The following AGO3 variants were observed in gnomAD, a reference collection of about 807,000 sequenced individuals.
The protein encoded by AGO3 is argonaute RISC catalytic component 3.
In AGO3, 16 loss-of-function variants were observed where a neutral mutation model predicts 105.5. That is an observed-to-expected ratio of 0.15 (90% CI 0.10 to 0.23). The LOEUF (loss-of-function observed/expected upper bound fraction) is 0.23, where lower values mean the gene tolerates loss of function less well. Ranked by LOEUF, AGO3 falls within the 10% of genes least tolerant of loss-of-function variation. The pLI is 1.00. For missense variants in AGO3, 534 were observed against 1,088.0 expected, an observed-to-expected ratio of 0.49 and a Z score of 7.16; for synonymous variants, 340 against 367.3, an observed-to-expected ratio of 0.93 and a Z score of 0.85.
chr1:35,946,685 G>A (rs929268078), intron 2 of AGO3, among the ~76,000 whole-genome samples: 26 of 152,164 alleles, frequency 1.7e-4, no homozygotes, highest in African/African-American at 5.8e-4. Context: ...TAAGAAGTAT[G>A]AAGGTCTTTT....
chr1:35,956,379 C>A (rs560549182), intron 2 of AGO3, among the ~76,000 whole-genome samples: 2 of 151,930 alleles, frequency 1.3e-5, no homozygotes, highest in Non-Finnish European at 2.9e-5. Context: ...GGCAGAAGTT[C>A]AATAGGTTAT....
At chr1:36,022,103 T>C (rs972213680) in intron 11 of AGO3, among the ~76,000 whole-genome samples, 2 of 151,116 alleles carry the variant, frequency 1.3e-5, no homozygotes, top group Middle Eastern at 6.8e-3. Flanking sequence ...CCTCACTCTT[T>C]TGCCCAGGCT....
intron 2 of AGO3, among the ~76,000 whole-genome samples, chr1:35,950,271 C>T (rs1412172916): frequency 2.6e-5 from 4 of 152,052 alleles, no homozygotes; most frequent in Admixed American, 6.6e-5. Flanking sequence ...TAGTGATTCT[C>T]CTCTAAGTGA....
At chr1:35,948,216 ATTTTTT>A (rs926949293) in intron 2 of AGO3, among the ~76,000 whole-genome samples, 2 of 135,328 alleles carry the variant, frequency 1.5e-5, no homozygotes, top group Non-Finnish European at 3.2e-5. Context: ...AAGGAACAGA[ATTTTTT>A]TTTTTTTTTT....
At position 36,036,332 on chromosome 1, in the gene AGO3, C is replaced by T. The variant is rs1412573042; in HGVS notation, c.1842+65C>T. ...ACCAGTATCAATTTTGCAGTTTCAA[C>T]TTTTTGAATTTTAATATTTTCTTTG... On this transcript the variant is annotated intron_variant, in intron 14 of 18. Transcript: ENST00000373191. The T allele has an allele frequency of 4.9e-6, 7 of 1,425,368 alleles. No individual in the cohort carries two copies. The East Asian group carries it at 1.2e-4, about 24-fold the overall frequency. The allele number at this position is 1,425,368 out of a possible 1,614,324, so 88.3% of individuals were successfully genotyped here.
chr1:35,984,318 G>A (rs1287696801), intron 5 of AGO3, among the ~76,000 whole-genome samples: 2 of 152,206 alleles, frequency 1.3e-5, no homozygotes, highest in Non-Finnish European at 2.9e-5. Context: ...CTGGGCAACA[G>A]AGTGAGACCC....
intron 11 of AGO3, among the ~76,000 whole-genome samples, chr1:36,015,324 C>T (rs897898260): frequency 2.0e-5 from 3 of 152,178 alleles, no homozygotes; most frequent in Non-Finnish European, 4.4e-5. Flanking sequence ...TCCCTGGGTA[C>T]ACCACCCTCC....
intron 13 of AGO3, among the ~76,000 whole-genome samples, chr1:36,035,694 T>C (rs2148844615): frequency 6.6e-6 from 1 of 152,332 alleles, no homozygotes; most frequent in African/African-American, 2.4e-5. Flanking sequence ...ACAGCCCTTT[T>C]CAACCACCAG....
intron 11 of AGO3, among the ~76,000 whole-genome samples, chr1:36,018,185 G>C (rs1641007824): frequency 6.6e-6 from 1 of 151,936 alleles, no homozygotes; most frequent in Non-Finnish European, 1.5e-5. Flanking sequence ...CGTTAGCCAG[G>C]ATGGTCTCCA....
chr1:35,969,825 A>G (rs1408890669), intron 3 of AGO3, among the ~76,000 whole-genome samples: 4 of 152,212 alleles, frequency 2.6e-5, no homozygotes, highest in Non-Finnish European at 5.9e-5. Flanking sequence ...TATACCGAAT[A>G]CTGTAGGCAC....
intron 5 of AGO3, among the ~76,000 whole-genome samples, chr1:35,988,336 A>G (rs1647307886): frequency 6.6e-6 from 1 of 152,198 alleles, no homozygotes; most frequent in East Asian, 1.9e-4. Flanking sequence ...GCGTATTTCA[A>G]GTATACAATA....
chr1:35,954,112 T>C (rs1646522228), intron 2 of AGO3, among the ~76,000 whole-genome samples: 2 of 152,220 alleles, frequency 1.3e-5, no homozygotes, highest in Admixed American at 1.3e-4. Context: ...AACCAAATGG[T>C]ATAGTTTTGA....
At chr1:36,024,929 GC>G (rs2148831444) in intron 11 of AGO3, among the ~76,000 whole-genome samples, 1 of 152,138 alleles carries the variant, frequency 6.6e-6, no homozygotes, top group African/African-American at 2.4e-5. Context: ...TTCCACTCAT[GC>G]TGCCCTTTAC....
intron 11 of AGO3, among the ~76,000 whole-genome samples, chr1:36,020,709 T>C (rs571509476): frequency 3.0e-4 from 46 of 152,190 alleles, no homozygotes; most frequent in African/African-American, 1.1e-3. Flanking sequence ...TCCTCCTTCC[T>C]GGTTGAAACT....
Position 36,003,050 on chromosome 1 carries a change from G to A in AGO3, c.659-1291G>A, listed in dbSNP as rs888901996. On this transcript the variant is annotated intron_variant, in intron 5 of 18. Transcript: ENST00000373191. ...CGCGCCATTGCACTCCAGCCTGGAC[G>A]ACAGAGTGAGACTCCGTCTAAAAAA... Among the ~76,000 whole-genome samples, 7 of 152,062 alleles carry A rather than the reference G, an allele frequency of 4.6e-5. No homozygotes were observed. In the East Asian group the frequency reaches 1.2e-3, roughly 25 times the overall value.
At chr1:36,044,265 AGC>A (rs1004527870) in intron 17 of AGO3, among the ~76,000 whole-genome samples, 6 of 152,136 alleles carry the variant, frequency 3.9e-5, no homozygotes, top group African/African-American at 1.4e-4. Flanking sequence ...GGATCACTTG[AGC>A]GCGGAGGCAG....
chr1:35,962,474 G>A (rs1346103052), intron 2 of AGO3, among the ~76,000 whole-genome samples: 1 of 151,492 alleles, frequency 6.6e-6, no homozygotes. Context: ...ACCCAGGAGG[G>A]GGAGCTTGCA....
intron 15 of AGO3, 131 bp from the exon 16 acceptor site, chr1:36,040,176 C>G: frequency 8.4e-7 from 1 of 1,185,866 alleles, no homozygotes; most frequent in Non-Finnish European, 1.2e-6. Flanking sequence ...TTCTAATAAT[C>G]GTTAAAATGG....
chr1:35,994,042 ATTTTT>A (rs759085356), intron 5 of AGO3, among the ~76,000 whole-genome samples: 38 of 65,838 alleles, frequency 5.8e-4, no homozygotes, highest in African/African-American at 2.5e-3. Flanking sequence ...CTGCGCCCAG[ATTTTT>A]TTTTTTTTTT....
Sources: allele counts gnomAD v4.1 joint callset (sites outside exome capture counted in the v4.1 genomes callset), GRCh38; gene constraint gnomAD v4.1.1; transcripts MANE v1.5; gene names NCBI Gene and HGNC (gene_info 2026-07-23, HGNC 2026-07-21).